AFAP1L1: variants seen among roughly 807,000 people sequenced by gnomAD.
The protein encoded by AFAP1L1 is actin filament-associated protein 1-like 1.
AFAP1L1 carries 77 observed loss-of-function variants against 99.8 expected under a neutral mutation model. The observed-to-expected ratio is 0.77, with a 90% CI of 0.64 to 0.93. The LOEUF is 0.93. Among genes scored for constraint, AFAP1L1 ranks in the 40% least tolerant of loss-of-function variants. The probability of loss-of-function intolerance (pLI) is 0.00; values close to 1 mark genes in which losing one functional copy is unlikely to be tolerated. For synonymous variants in AFAP1L1, 373 were observed against 395.3 expected, an observed-to-expected ratio of 0.94 and a Z score of 0.67; for missense variants, 893 against 996.8, an observed-to-expected ratio of 0.90 and a Z score of 1.40.
rs1249547298 is a variant in AFAP1L1 at position 149,317,947 on chromosome 5, G to A, written c.1479+7G>A. 6.4e-7 allele frequency: 1 copy of A among 1,560,806 alleles called. No individual in the cohort carries two copies. The highest frequency in any genetic ancestry group is 8.7e-7 in the Non-Finnish European group (1 of 1,152,146). On this transcript the variant is annotated splice_region_variant and intron_variant, in intron 12 of 18. Coordinates refer to ENST00000296721, the MANE Select transcript of AFAP1L1 (RefSeq NM_152406.4). ...GGAGGTGGCCATCTTGGAGGTGAGAGGAGAGGGTGGGACGTGGGTGGCTCT... is the reference window on the plus strand; with the variant it reads ...GGAGGTGGCCATCTTGGAGGTGAGAAGAGAGGGTGGGACGTGGGTGGCTCT...
intron 18 of AFAP1L1, among the ~76,000 whole-genome samples, chr5:149,337,527 C>T (rs560643351): frequency 2.6e-4 from 40 of 152,192 alleles, no homozygotes; most frequent in Non-Finnish European, 5.0e-4. Context: ...TCACTAAACA[C>T]TCTTGAACAT....
chr5:149,300,694 CA>C (rs1756175506), intron 3 of AFAP1L1, among the ~76,000 whole-genome samples: 1 of 152,254 alleles, frequency 6.6e-6, no homozygotes, highest in Non-Finnish European at 1.5e-5. Flanking sequence ...TGATAGCTTG[CA>C]TGGCTGCCAC....
chr5:149,272,549 A>G (rs116514481), intron 1 of AFAP1L1, among the ~76,000 whole-genome samples: 1,954 of 152,292 alleles, frequency 0.013, 50 homozygotes, highest in African/African-American at 0.044. Context: ...GACCAGCGAC[A>G]AAGTTGGACT....
chr5:149,310,030 C>A lies in AFAP1L1; in HGVS notation c.822C>A (p.Pro274=), dbSNP rs775889847. 4.3e-6 allele frequency: 7 copies of A among 1,614,214 alleles called. No homozygotes were observed. The South Asian group carries it at 7.7e-5, about 18-fold the overall frequency. The change falls in exon 8 of 19, where the codon CCC becomes CCA. Residue 274 remains proline, a synonymous_variant. Transcript: ENST00000296721. ...ALDTCSIIYV[P]KDSRHKRHEL... is the part of the protein sequence containing the mutation. ...ATACCTGCAGCATCATCTACGTGCC[C>A]AAGGACAGCCGGCACAAGAGGCACG...
chr5:149,328,589 A>G (rs1408821046), intron 15 of AFAP1L1, among the ~76,000 whole-genome samples: 1 of 152,138 alleles, frequency 6.6e-6, no homozygotes, highest in East Asian at 1.9e-4. Flanking sequence ...CAGGCTGATC[A>G]CTTGAGGTCA....
intron 8 of AFAP1L1, among the ~76,000 whole-genome samples, chr5:149,311,467 G>A (rs1756628384): frequency 6.6e-6 from 1 of 152,204 alleles, no homozygotes; most frequent in Admixed American, 6.5e-5. Context: ...TCCCCTCTGC[G>A]AGGCTCATCA....
At chr5:149,338,548 CTT>C (rs1757471041) in intron 18 of AFAP1L1, among the ~76,000 whole-genome samples, 1 of 152,192 alleles carries the variant, frequency 6.6e-6, no homozygotes, top group Non-Finnish European at 1.5e-5. Context: ...AGGGAAGAGT[CTT>C]TATTCTTTCC....
At chr5:149,310,564 A>G (rs972101738) in intron 8 of AFAP1L1, among the ~76,000 whole-genome samples, 1 of 152,244 alleles carries the variant, frequency 6.6e-6, no homozygotes, top group African/African-American at 2.4e-5. Context: ...CTCTGCAGCT[A>G]CACAGAACAA....
At chr5:149,312,924 C>T (rs1248256058) in intron 9 of AFAP1L1, among the ~76,000 whole-genome samples, 2 of 151,902 alleles carry the variant, frequency 1.3e-5, no homozygotes, top group South Asian at 2.1e-4. Context: ...TTCAGGAGTT[C>T]GAGACCAGCC....
intron 1 of AFAP1L1, among the ~76,000 whole-genome samples, chr5:149,285,253 G>A (rs1258242469): frequency 1.3e-5 from 2 of 152,098 alleles, no homozygotes; most frequent in Non-Finnish European, 1.5e-5. Context: ...GTGGCCATCT[G>A]AGCTCAGCTT....
intron 11 of AFAP1L1, 108 bp downstream of exon 11, chr5:149,316,411 G>A (rs1756800427): frequency 2.9e-6 from 4 of 1,387,746 alleles, no homozygotes; most frequent in South Asian, 1.3e-5. Flanking sequence ...CCAGGGCAGG[G>A]GAGGGAATCC....
chr5:149,282,451 A>T (rs1042014818), intron 1 of AFAP1L1, among the ~76,000 whole-genome samples: 47 of 152,166 alleles, frequency 3.1e-4, no homozygotes, highest in African/African-American at 1.1e-3. Flanking sequence ...GGAGATAAGG[A>T]TCCTAACCAA....
intron 1 of AFAP1L1, chr5:149,276,824 A>G (rs892708595): frequency 1.3e-5 from 2 of 152,254 alleles, no homozygotes; most frequent in Non-Finnish European, 2.9e-5. Context: ...AAGACAGGGA[A>G]CAGGTTATAA....
Position 149,317,717 on chromosome 5 carries a change from T to C in AFAP1L1, c.1268-12T>C. The stretch of plus-strand genomic sequence containing the variant: ...GCAGGCTATGGGAACCTCACACCAT[T>C]GTCTCCTCCAGGCTACCTGAACGTG... On this transcript the variant is annotated splice_polypyrimidine_tract_variant and intron_variant, in intron 11 of 18. Coordinates refer to ENST00000296721, the MANE Select transcript of AFAP1L1 (RefSeq NM_152406.4). 6.2e-7 allele frequency: 1 copy of C among 1,613,324 alleles called. No individual in the cohort carries two copies. Among genetic ancestry groups the C allele is most frequent in the South Asian group, 1.1e-5 (1 of 90,748 alleles).
chr5:149,341,671 C>A lies in AFAP1L1; in HGVS notation c.*1641C>A, dbSNP rs1259633328. On this transcript the variant is annotated 3_prime_UTR_variant, in exon 19 of 19. Transcript: ENST00000296721. ...ACTCAGGAGGCTGAGGCAGGAGGAC[C>A]GCTTGAGCCCAGGAGTTTGAGACTG... The A allele has an allele frequency of 1.3e-5, 2 of 152,112 alleles. No homozygotes were observed. The highest frequency in any genetic ancestry group is 2.9e-5 in the Non-Finnish European group (2 of 68,094). 9.4% of individuals were successfully genotyped at this position (152,112 alleles called of 1,614,324 possible). A position where few individuals can be genotyped will look rare whatever the true frequency, so the allele number is the denominator to read the frequency against.
chr5:149,303,726 G>C (rs1402208785), intron 5 of AFAP1L1, among the ~76,000 whole-genome samples: 1 of 152,108 alleles, frequency 6.6e-6, no homozygotes, highest in Non-Finnish European at 1.5e-5. Context: ...AATTTTTCAA[G>C]GATATGCAAG....
chr5:149,292,192 TTTA>T (rs1322056086), intron 1 of AFAP1L1, among the ~76,000 whole-genome samples: 1 of 152,190 alleles, frequency 6.6e-6, no homozygotes, highest in Non-Finnish European at 1.5e-5. Flanking sequence ...CAATACAGGG[TTTA>T]TTATTCTTGT....
chr5:149,340,310 AT>A lies in AFAP1L1; in HGVS notation c.*281del, dbSNP rs1022864540. On this transcript the variant is annotated 3_prime_UTR_variant, in exon 19 of 19. Coordinates refer to ENST00000296721, the MANE Select transcript of AFAP1L1 (RefSeq NM_152406.4). The stretch of plus-strand genomic sequence containing the variant: ...CTGCACAGCTGTAAAGGTTTTATAG[AT>A]GTCTTTGCCTTCCCTTCTGAGGAAG... 1 of 368,174 alleles carries A rather than the reference AT, an allele frequency of 2.7e-6. No homozygotes were observed. Among genetic ancestry groups the A allele is most frequent in the Non-Finnish European group, 5.1e-6 (1 of 197,968 alleles). 22.8% of individuals were successfully genotyped at this position (368,174 alleles called of 1,614,324 possible).
intron 1 of AFAP1L1, among the ~76,000 whole-genome samples, chr5:149,274,148 T>C (rs1026150834): frequency 5.3e-5 from 8 of 152,148 alleles, no homozygotes; most frequent in Non-Finnish European, 2.9e-5. Context: ...TCTGACTCTT[T>C]AGTGTCGGCC....
Sources: allele counts gnomAD v4.1 joint callset (sites outside exome capture counted in the v4.1 genomes callset), GRCh38; gene constraint gnomAD v4.1.1; transcripts MANE v1.5; gene names NCBI Gene and HGNC (gene_info 2026-07-23, HGNC 2026-07-21).